LUZP2: variants seen among roughly 807,000 people sequenced by gnomAD.
LUZP2 encodes leucine zipper protein 2.
Under a neutral mutation model 51.6 loss-of-function variants are expected in LUZP2, and 52 were observed. The observed-to-expected ratio is 1.01, with a 90% CI of 0.81 to 1.27. LUZP2 has a LOEUF of 1.27. Ranked by LOEUF, LUZP2 falls within the 50% of genes most tolerant of loss-of-function variation. The pLI, the probability that LUZP2 is intolerant of heterozygous loss-of-function variation, is 0.00. For synonymous variants in LUZP2, 154 were observed against 137.3 expected (o/e 1.12, Z -0.85); for missense variants, 436 against 395.4 (o/e 1.10, Z -0.87).
At chr11:24,623,717 G>T (rs932167546) in intron 1 of LUZP2, among the ~76,000 whole-genome samples, 1 of 152,044 alleles carries the variant, frequency 6.6e-6, no homozygotes, top group Non-Finnish European at 1.5e-5. Flanking sequence ...AGTGGTGGCC[G>T]GTGCCTGTAG....
intron 5 of LUZP2, among the ~76,000 whole-genome samples, chr11:24,822,451 T>C (rs1850389695): frequency 6.6e-6 from 1 of 152,196 alleles, no homozygotes; most frequent in Admixed American, 6.5e-5. Flanking sequence ...GTGTGTTCAT[T>C]GTGTGTGCAC....
chr11:24,545,803 T>G (rs1851521682), intron 1 of LUZP2, among the ~76,000 whole-genome samples: 1 of 152,094 alleles, frequency 6.6e-6, no homozygotes, highest in South Asian at 2.1e-4. Flanking sequence ...TTTAAAATAG[T>G]TATTTCTAAT....
At chr11:24,916,873 G>T (rs957456638) in intron 7 of LUZP2, among the ~76,000 whole-genome samples, 1 of 152,100 alleles carries the variant, frequency 6.6e-6, no homozygotes, top group Middle Eastern at 3.2e-3. Context: ...CTGGGCAAAT[G>T]GTATTTCTAG....
chr11:24,683,057 CT>C (rs1408821975), intron 1 of LUZP2, among the ~76,000 whole-genome samples: 53 of 152,256 alleles, frequency 3.5e-4, no homozygotes, highest in African/African-American at 1.3e-3. Context: ...ATCATATCAG[CT>C]CTTAACTACT....
At chr11:24,966,376 G>A (rs1481231173) in intron 7 of LUZP2, among the ~76,000 whole-genome samples, 1 of 150,904 alleles carries the variant, frequency 6.6e-6, no homozygotes, top group African/African-American at 2.4e-5. Flanking sequence ...TCTCTCTGTA[G>A]TGTCTATTGA....
intron 1 of LUZP2, among the ~76,000 whole-genome samples, chr11:24,559,253 T>C (rs1851961470): frequency 6.6e-6 from 1 of 151,912 alleles, no homozygotes; most frequent in Non-Finnish European, 1.5e-5. Context: ...AATTATAAAG[T>C]CCTGGAAACA....
intron 7 of LUZP2, among the ~76,000 whole-genome samples, chr11:24,960,055 T>A (rs1855345498): frequency 6.6e-6 from 1 of 152,192 alleles, no homozygotes. Context: ...ATTACATTTA[T>A]TGATTTGTGT....
chr11:25,000,685 C>A (rs1011483983), intron 9 of LUZP2, among the ~76,000 whole-genome samples: 1 of 152,160 alleles, frequency 6.6e-6, no homozygotes, highest in African/African-American at 2.4e-5. Flanking sequence ...ATTTCAGAAG[C>A]CTTTTCCTGT....
chr11:24,546,689 G>A (rs1213127544), intron 1 of LUZP2, among the ~76,000 whole-genome samples: 1 of 151,926 alleles, frequency 6.6e-6, no homozygotes, highest in African/African-American at 2.4e-5. Flanking sequence ...TTTTGTTGAG[G>A]ATTTTTGCAT....
chr11:25,001,375 A>G (rs757457606), intron 9 of LUZP2, among the ~76,000 whole-genome samples: 56 of 152,162 alleles, frequency 3.7e-4, no homozygotes, highest in Non-Finnish European at 5.6e-4. Flanking sequence ...TTTTTCCTTA[A>G]TCGCCTCAGA....
chr11:24,817,740 G>T (rs546242007), intron 5 of LUZP2, among the ~76,000 whole-genome samples: 36 of 152,124 alleles, frequency 2.4e-4, no homozygotes, highest in African/African-American at 8.7e-4. Context: ...GACAAGACAT[G>T]ACAGTCATGT....
intron 5 of LUZP2, among the ~76,000 whole-genome samples, chr11:24,785,419 G>A (rs917768861): frequency 2.0e-5 from 3 of 151,954 alleles, no homozygotes; most frequent in Non-Finnish European, 2.9e-5. Flanking sequence ...GTGTCAAAAT[G>A]TGAATTATTA....
In LUZP2 at chr11:25,030,919, TATA is replaced by T. The variant is rs1857636840; in HGVS notation, c.766-19118_766-19116del. Among the ~76,000 whole-genome samples the T allele has an allele frequency of 1.4e-4, 3 of 21,854 alleles. 1 individual carries two copies. The highest frequency in any genetic ancestry group is 1.1e-4 in the Non-Finnish European group (1 of 9,490). 14.3% of individuals were successfully genotyped at this position (21,854 alleles called of 152,430 possible). On this transcript the variant is annotated intron_variant, in intron 9 of 11. Coordinates refer to ENST00000336930, the MANE Select transcript of LUZP2 (RefSeq NM_001009909.4). Reference sequence around the variant, plus strand: ...TATATATATATAATATATATTGTATTATATATATATAATATATATTATATATAT... The same window carrying T: ...TATATATATATAATATATATTGTATTTATATATAATATATATTATATATAT...
chr11:24,646,935 G>A (rs552682266), intron 1 of LUZP2, among the ~76,000 whole-genome samples: 37 of 152,056 alleles, frequency 2.4e-4, no homozygotes, highest in African/African-American at 8.7e-4. Flanking sequence ...TTTTAATATT[G>A]AATTACACAT....
intron 6 of LUZP2, 131 bp downstream of exon 6, chr11:24,906,184 A>G (rs988473648): frequency 1.2e-5 from 6 of 502,556 alleles, no homozygotes; most frequent in East Asian, 3.2e-5. Context: ...ATAGAAAAAT[A>G]TAATATATTT....
At chr11:24,750,615 C>G (rs1336274690) in intron 4 of LUZP2, among the ~76,000 whole-genome samples, 2 of 152,120 alleles carry the variant, frequency 1.3e-5, no homozygotes, top group Non-Finnish European at 2.9e-5. Context: ...ACTTTGGAGT[C>G]ATTCCTCAAG....
At chr11:24,839,290 C>T (rs778567178) in intron 5 of LUZP2, among the ~76,000 whole-genome samples, 15 of 151,604 alleles carry the variant, frequency 9.9e-5, no homozygotes, top group Admixed American at 2.6e-4. Context: ...GATTTTCAAT[C>T]ATTAGTCTGA....
At chr11:24,500,027 T>G (rs1849945213) in intron 1 of LUZP2, among the ~76,000 whole-genome samples, 1 of 152,202 alleles carries the variant, frequency 6.6e-6, no homozygotes, top group African/African-American at 2.4e-5. Context: ...TAGACATTTT[T>G]GAATAGCTTT....
chr11:25,070,606 A>G (rs75300771), intron 10 of LUZP2, among the ~76,000 whole-genome samples: 4,603 of 152,112 alleles, frequency 0.03, 221 homozygotes, highest in African/African-American at 0.098. Flanking sequence ...CCTGCCTGTT[A>G]AAATATCCCA....
Sources: gnomAD v4.1 joint callset for allele counts (sites outside exome capture counted in the v4.1 genomes callset) on GRCh38, gnomAD v4.1.1 for gene constraint, MANE v1.5 for transcripts, NCBI Gene and HGNC (gene_info 2026-07-23, HGNC 2026-07-21) for gene names.